SEMA6D: variants seen among roughly 807,000 people sequenced by gnomAD.
The protein encoded by SEMA6D is semaphorin 6D.
In SEMA6D, 35 loss-of-function variants were observed where a neutral mutation model predicts 106.6. The ratio of observed to expected loss-of-function variants is 0.33; its 90% CI spans 0.25 to 0.44. The LOEUF (loss-of-function observed/expected upper bound fraction) is 0.44, where lower values mean the gene tolerates loss of function less well. Among genes scored for constraint, SEMA6D ranks in the 20% least tolerant of loss-of-function variants. The pLI is 1.00. For missense variants in SEMA6D, 1,185 were observed against 1,345.9 expected (o/e 0.88, Z 1.87); for synonymous variants, 499 against 487.7 (o/e 1.02, Z -0.31).
rs1333782511 is a variant in SEMA6D, at chr15:47,392,933, G to A, written c.-238-19460G>A. On this transcript the variant is annotated intron_variant, in intron 1 of 19. Transcript: ENST00000558014. The stretch of plus-strand genomic sequence containing the variant: ...CTAGAGAGAGACTCCTGTCCTGCAA[G>A]GATGTTATTTAGTCCTGTTCGGGCA... 2.0e-5 allele frequency among the ~76,000 whole-genome samples: 3 copies of A among 149,392 alleles called. No homozygotes were observed. In the East Asian group the frequency reaches 5.8e-4, roughly 29 times the overall value.
chr15:47,552,854 ATATATATATATTTT>A (rs2045774517), intron 3 of SEMA6D, among the ~76,000 whole-genome samples: 2 of 69,326 alleles, frequency 2.9e-5, no homozygotes, highest in African/African-American at 2.6e-4. Flanking sequence ...ATATATATAA[ATATATATATATTTT>A]TATATATATA....
rs763090875 is a variant in SEMA6D, at chr15:47,764,894, C to A, written c.1265C>A (p.Thr422Lys). The A allele has an allele frequency of 6.2e-7, 1 of 1,613,868 alleles. No homozygotes were observed. The highest frequency in any genetic ancestry group is 2.2e-5 in the East Asian group (1 of 44,832). Residue 422 changes from threonine to lysine, a missense_variant, in exon 13 of 19, where the codon ACG becomes AAG. Transcript: ENST00000536845. The stretch of plus-strand genomic sequence containing the variant: ...GCCTCCTCTTGTAGGTACAGACTGA[C>A]GGCCATCTCAGTGGACCATTCAGCC... ...FTKTRVRYRL[T>K]AISVDHSAGP...
chr15:47,692,278 A>G (rs1349827168), intron 4 of SEMA6D, among the ~76,000 whole-genome samples: 1 of 152,144 alleles, frequency 6.6e-6, no homozygotes, highest in African/African-American at 2.4e-5. Context: ...ACTCCAGCCC[A>G]TACCTTAATT....
intron 1 of SEMA6D, among the ~76,000 whole-genome samples, chr15:47,325,088 A>G (rs1475845079): frequency 2.6e-5 from 4 of 152,194 alleles, no homozygotes; most frequent in Admixed American, 6.5e-5. Flanking sequence ...TGTATAGAGT[A>G]GGCAATATTT....
chr15:47,242,696 A>T (rs2032984498), intron 1 of SEMA6D, among the ~76,000 whole-genome samples: 1 of 152,188 alleles, frequency 6.6e-6, no homozygotes, highest in Non-Finnish European at 1.5e-5. Context: ...GGTCAACTAT[A>T]TGCAGGATTG....
At chr15:47,644,021 G>T (rs761054814) in intron 4 of SEMA6D, among the ~76,000 whole-genome samples, 1 of 152,154 alleles carries the variant, frequency 6.6e-6, no homozygotes, top group South Asian at 2.1e-4. Flanking sequence ...ATTCCCCGTT[G>T]TCTAGACTAG....
intron 3 of SEMA6D, among the ~76,000 whole-genome samples, chr15:47,505,484 G>GCTTA (rs2044009217): frequency 2.6e-5 from 4 of 152,118 alleles, no homozygotes; most frequent in Non-Finnish European, 5.9e-5. Flanking sequence ...AGAACATTTG[G>GCTTA]GGACAATATG....
At chr15:47,361,452 G>T (rs1036769336) in intron 1 of SEMA6D, among the ~76,000 whole-genome samples, 8 of 152,174 alleles carry the variant, frequency 5.3e-5, no homozygotes, top group Non-Finnish European at 4.4e-5. Flanking sequence ...ATTTCTACAA[G>T]TCCTATACTT....
intron 1 of SEMA6D, among the ~76,000 whole-genome samples, chr15:47,227,413 T>TTCTCTC (rs1224898836): frequency 2.0e-5 from 1 of 51,146 alleles, no homozygotes; most frequent in Non-Finnish European, 4.1e-5. Context: ...ATGTCTTTCT[T>TTCTCTC]TCTTTCTCTT....
chr15:47,427,579 C>T (rs1481776996), intron 2 of SEMA6D, among the ~76,000 whole-genome samples: 2 of 152,054 alleles, frequency 1.3e-5, no homozygotes, highest in Non-Finnish European at 2.9e-5. Flanking sequence ...GAAATGTACA[C>T]TTGGGAAAGG....
intron 2 of SEMA6D, among the ~76,000 whole-genome samples, chr15:47,453,769 G>T (rs140177188): frequency 2.6e-5 from 4 of 151,870 alleles, no homozygotes; most frequent in Non-Finnish European, 5.9e-5. Flanking sequence ...AGCCCATGTG[G>T]ATACCATCTT....
intron 1 of SEMA6D, among the ~76,000 whole-genome samples, chr15:47,719,195 C>T (rs1160795349): frequency 6.6e-6 from 1 of 151,978 alleles, no homozygotes; most frequent in Non-Finnish European, 1.5e-5. Flanking sequence ...CGGTATGAAT[C>T]GCAGCGTTTG....
chr15:47,641,285 T>C (rs1273024404), intron 4 of SEMA6D, among the ~76,000 whole-genome samples: 1 of 152,184 alleles, frequency 6.6e-6, no homozygotes, highest in East Asian at 1.9e-4. Flanking sequence ...AACCAGCTAC[T>C]GTTCAAGATG....
At chr15:47,442,773 C>T (rs566897460) in intron 2 of SEMA6D, among the ~76,000 whole-genome samples, 1 of 152,210 alleles carries the variant, frequency 6.6e-6, no homozygotes, top group South Asian at 2.1e-4. Flanking sequence ...CTTTTCAGTG[C>T]ACCATGACAG....
At chr15:47,462,881 T>G (rs983310891) in intron 2 of SEMA6D, among the ~76,000 whole-genome samples, 2 of 152,130 alleles carry the variant, frequency 1.3e-5, no homozygotes, top group Non-Finnish European at 2.9e-5. Context: ...CCAGCCTTTA[T>G]GGCTCTGTTT....
At chr15:47,254,331 G>GTATATATATATATA (rs3050479) in intron 1 of SEMA6D, among the ~76,000 whole-genome samples, 18 of 139,246 alleles carry the variant, frequency 1.3e-4, no homozygotes, top group African/African-American at 4.2e-4. Flanking sequence ...GTGTGTGTGT[G>GTATATATATATATA]TATATATATA....
At position 47,567,545 on chromosome 15, in the gene SEMA6D, C is replaced by T. The variant is rs1016619472; in HGVS notation, c.-86-33320C>T. Among the ~76,000 whole-genome samples the T allele has an allele frequency of 3.3e-5, 5 of 152,086 alleles. No homozygotes were observed. The East Asian group carries it at 9.6e-4, about 29-fold the overall frequency. On this transcript the variant is annotated intron_variant, in intron 3 of 19. Coordinates refer to the SEMA6D transcript ENST00000558014. ...CTCTAAATCTTCCCAAAGTTCTTTC[C>T]CTCTCTTCATTTAGGTTTCCATCAG... is the stretch of plus-strand genomic sequence containing the variant.
chr15:47,706,626 T>C (rs2078917291), intron 4 of SEMA6D, among the ~76,000 whole-genome samples: 1 of 152,216 alleles, frequency 6.6e-6, no homozygotes, highest in South Asian at 2.1e-4. Flanking sequence ...GACTGTATCT[T>C]TTTCTTGGAA....
chr15:47,416,852 A>G (rs754263981), intron 2 of SEMA6D, among the ~76,000 whole-genome samples: 9 of 152,152 alleles, frequency 5.9e-5, no homozygotes, highest in Non-Finnish European at 1.3e-4. Context: ...ATTACTTTGC[A>G]GCTGATCAAA....
Sources: gnomAD v4.1 joint callset for allele counts (sites outside exome capture counted in the v4.1 genomes callset) on GRCh38, gnomAD v4.1.1 for gene constraint, MANE v1.5 for transcripts, NCBI Gene and HGNC (gene_info 2026-07-23, HGNC 2026-07-21) for gene names.